Variants in CFAP46 observed in about 807,000 individuals in gnomAD.
The protein encoded by CFAP46 is cilia and flagella associated protein 46, also known as cilia- and flagella-associated protein 46.
CFAP46 carries 245 observed loss-of-function variants against 325.7 expected under a neutral mutation model. The ratio of observed to expected loss-of-function variants is 0.75; its 90% confidence interval spans 0.68 to 0.84. The LOEUF (loss-of-function observed/expected upper bound fraction) is 0.84, where lower values mean the gene tolerates loss of function less well. Among genes scored for constraint, CFAP46 ranks in the 40% least tolerant of loss-of-function variants. The probability of loss-of-function intolerance (pLI) is 0.00; values close to 1 mark genes in which losing one functional copy is unlikely to be tolerated. For missense variants in CFAP46, 3,346 were observed against 3,543.0 expected (o/e 0.94, Z 1.41); for synonymous variants, 1,523 against 1,495.9 (o/e 1.02, Z -0.42).
intron 50 of CFAP46, among the ~76,000 whole-genome samples, chr10:132,825,595 C>G (rs1489665709): frequency 2.0e-5 from 3 of 152,120 alleles, no homozygotes; most frequent in African/African-American, 7.2e-5. Context: ...ATGCTAAAAG[C>G]ACCAGCTATT....
chr10:132,898,908 C>T lies in CFAP46; in HGVS notation c.3219+51G>A, dbSNP rs1849354311. 9 of 1,535,556 alleles carry T rather than the reference C, an allele frequency of 5.9e-6. No homozygotes were observed. The East Asian group carries it at 2.2e-4, about 38-fold the overall frequency. ...AGTCTCTCCGGTCCTTTCTGGAAGA[C>T]CCACTAGAGGCCTCAGTGGGAGTCA... On this transcript the variant is annotated intron_variant, in intron 24 of 57. Coordinates refer to ENST00000368586, the MANE Select transcript of CFAP46 (RefSeq NM_001200049.3).
rs1848076152 is a variant in CFAP46 at position 132,827,416 on chromosome 10, C to G, written c.7117+5942G>C. Among the ~76,000 whole-genome samples the G allele has an allele frequency of 6.6e-6, 1 of 152,114 alleles. No homozygotes were observed. The highest frequency in any genetic ancestry group is 1.5e-5 in the Non-Finnish European group (1 of 68,014). ...AGGGCCCTCTGTCCTTGGACCTCCT[C>G]CTTCAAGGATCCACTTCGCACATGT... On this transcript the variant is annotated intron_variant, in intron 50 of 57. Coordinates refer to ENST00000368586, the MANE Select transcript of CFAP46 (RefSeq NM_001200049.3). The surrounding 1 kb of genome is among the most constrained non-coding windows in gnomAD (Gnocchi z 5.7).
chr10:132,920,184 T>C lies in CFAP46; in HGVS notation c.1607-2A>G, dbSNP rs1461602389. The C allele has an allele frequency of 2.0e-6, 3 of 1,531,418 alleles. No homozygotes were observed. Among genetic ancestry groups the C allele is most frequent in the African/African-American group, 1.4e-5 (1 of 72,000 alleles). 94.9% of individuals were successfully genotyped at this position (1,531,418 alleles called of 1,614,324 possible). A position where few individuals can be genotyped will look rare whatever the true frequency, so the allele number is the denominator to read the frequency against. On this transcript the variant is annotated splice_acceptor_variant, in intron 13 of 57. Coordinates refer to ENST00000368586, the MANE Select transcript of CFAP46 (RefSeq NM_001200049.3). LOFTEE classifies it high-confidence loss of function. The stretch of plus-strand genomic sequence containing the variant: ...GGCCCCTGTTCTTCCCGGTGGAGAC[T>C]GAGGGCGGAAATGCAAAGGCAGGTG...
intron 5 of CFAP46, 96 bp downstream of exon 5, chr10:132,938,493 G>A: frequency 8.4e-7 from 1 of 1,196,646 alleles, no homozygotes; most frequent in South Asian, 1.4e-5. Context: ...CCAGTGATGT[G>A]GAACTCCCGT....
intron 13 of CFAP46, among the ~76,000 whole-genome samples, chr10:132,921,057 C>T (rs1012442143): frequency 2.0e-5 from 3 of 152,244 alleles, no homozygotes; most frequent in Admixed American, 1.3e-4. Context: ...CTCCAAGAGT[C>T]GCCAACCTTC....
At chr10:132,845,976 G>A in intron 44 of CFAP46, 81 bp downstream of exon 44, 2 of 1,445,992 alleles carry the variant, frequency 1.4e-6, no homozygotes, top group Admixed American at 2.0e-5. Flanking sequence ...CCTCGCTCAG[G>A]CGTGGGACTG....
chr10:132,829,238 C>T (rs1007402807), intron 50 of CFAP46, among the ~76,000 whole-genome samples: 1 of 152,120 alleles, frequency 6.6e-6, no homozygotes, highest in African/African-American at 2.4e-5. Flanking sequence ...TAATCTCTCT[C>T]GGCAATGTTT....
At chr10:132,915,640 G>A (rs1361021141) in intron 17 of CFAP46, among the ~76,000 whole-genome samples, 3 of 151,872 alleles carry the variant, frequency 2.0e-5, no homozygotes, top group Admixed American at 6.6e-5. Context: ...CGAGGGCGGG[G>A]TGCCGTGCCC....
At chr10:132,925,513 G>C (rs1460169214) in intron 10 of CFAP46, among the ~76,000 whole-genome samples, 1 of 152,260 alleles carries the variant, frequency 6.6e-6, no homozygotes, top group Non-Finnish European at 1.5e-5. Context: ...CAGGTGAGTC[G>C]GGGAAGCAGC....
At position 132,872,670 on chromosome 10, in the gene CFAP46, A is replaced by G; in HGVS notation, c.4511+6T>C. ...AATCACACTCCGAAAAAGGAGCTGTACCCACCGAAGGTGGTAGAGATCCGA... is the reference window on the plus strand; with the variant it reads ...AATCACACTCCGAAAAAGGAGCTGTGCCCACCGAAGGTGGTAGAGATCCGA... On this transcript the variant is annotated splice_donor_region_variant and intron_variant, in intron 32 of 57. Transcript: ENST00000368586. 1 of 1,550,608 alleles carries G rather than the reference A, an allele frequency of 6.4e-7. No homozygotes were observed.
chr10:132,846,059 T>C lies in CFAP46; in HGVS notation c.6436A>G (p.Lys2146Glu). Residue 2146 changes from lysine (K) to glutamate (E), a missense_variant and splice_region_variant, in exon 44 of 58, where the codon AAG becomes GAG. Transcript: ENST00000368586. ...CAGCGGCATCCGTGCCCGCTTACCT[T>C]GGACACGGCGGCCAGCCTCTGCTCC... ...RVEQRLAAVS[K>E]AWQNLCVTEQ... 1 of 1,602,950 alleles carries C rather than the reference T, an allele frequency of 6.2e-7. No homozygotes were observed. Among genetic ancestry groups the C allele is most frequent in the Non-Finnish European group, 8.5e-7 (1 of 1,178,764 alleles).
rs185161336 is a variant in CFAP46 at position 132,856,182 on chromosome 10, G to A, written c.5574+1408C>T. 3.4e-3 allele frequency among the ~76,000 whole-genome samples: 523 copies of A among 152,342 alleles called. 3 individuals carry two copies. The highest frequency in any genetic ancestry group is 5.4e-3 in the Non-Finnish European group (365 of 68,042). ...GCTCTCAGCTACACTGCTTCTGCAG[G>A]AAGCTGCGCCATTCACCTCTGCCAC... On this transcript the variant is annotated intron_variant, in intron 39 of 57. Transcript: ENST00000368586.
At chr10:132,818,846 T>A (rs1591031045) in intron 50 of CFAP46, among the ~76,000 whole-genome samples, 1 of 139,558 alleles carries the variant, frequency 7.2e-6, no homozygotes, top group African/African-American at 2.7e-5. Flanking sequence ...AGAGTGAGAC[T>A]CCATCTCCAG....
Position 132,899,527 on chromosome 10 carries a change from C to A in CFAP46, c.3056+8G>T. ...CAGAGCCCACCCCAGCCCCTTAGAG[C>A]CACACACCTGGCGCTCTCCGTGAAG... On this transcript the variant is annotated splice_region_variant and intron_variant, in intron 23 of 57. Coordinates refer to ENST00000368586, the MANE Select transcript of CFAP46 (RefSeq NM_001200049.3). The A allele has an allele frequency of 1.3e-6, 2 of 1,543,548 alleles. No individual in the cohort carries two copies. The highest frequency in any genetic ancestry group is 1.7e-6 in the Non-Finnish European group (2 of 1,144,160).
intron 57 of CFAP46, among the ~76,000 whole-genome samples, chr10:132,809,570 G>A (rs925515699): frequency 9.2e-5 from 14 of 152,308 alleles, no homozygotes; most frequent in South Asian, 8.3e-4. Context: ...CCTGGTGAGC[G>A]GTGGATACTG....
chr10:132,911,653 A>G (rs568702856), intron 19 of CFAP46, among the ~76,000 whole-genome samples: 167 of 152,362 alleles, frequency 1.1e-3, no homozygotes, highest in Non-Finnish European at 9.6e-4. Context: ...GCATCTGTCA[A>G]CGAGAACACT....
intron 37 of CFAP46, among the ~76,000 whole-genome samples, chr10:132,859,699 G>A (rs939650353): frequency 3.3e-5 from 5 of 152,180 alleles, no homozygotes; most frequent in African/African-American, 9.7e-5. Context: ...GGCTGCCCTC[G>A]CGCCAATGCA....
chr10:132,836,988 C>T, intron 44 of CFAP46, 74 bp from the exon 45 acceptor site: 4 of 1,174,058 alleles, frequency 3.4e-6, no homozygotes, highest in Non-Finnish European at 5.1e-6. Flanking sequence ...CCCCTCATTT[C>T]CAGGAGACCT....
chr10:132,867,876 G>T (rs987425904), intron 33 of CFAP46, among the ~76,000 whole-genome samples: 1 of 152,174 alleles, frequency 6.6e-6, no homozygotes, highest in Admixed American at 6.5e-5. Flanking sequence ...CCTGCTCCCC[G>T]CTCGGCCTTC....
Sources: allele counts gnomAD v4.1 joint callset (sites outside exome capture counted in the v4.1 genomes callset), GRCh38; gene constraint gnomAD v4.1.1; non-coding constraint Gnocchi (gnomAD v3.1); transcripts MANE v1.5; gene names NCBI Gene and HGNC (gene_info 2026-07-23, HGNC 2026-07-21).